ADGRG5: variants seen among roughly 807,000 people sequenced by gnomAD.
ADGRG5 encodes G protein-coupled receptor 114.
Under a neutral mutation model 53.2 loss-of-function variants are expected in ADGRG5, and 37 were observed. The observed-to-expected ratio is 0.70, with a 90% CI of 0.53 to 0.91. ADGRG5 has a LOEUF of 0.91. Among genes scored for constraint, ADGRG5 ranks in the 40% least tolerant of loss-of-function variants. The probability of loss-of-function intolerance (pLI) is 0.00; values close to 1 mark genes in which losing one functional copy is unlikely to be tolerated. For missense variants in ADGRG5, 614 were observed against 675.8 expected (o/e 0.91, Z 1.01); for synonymous variants, 277 against 290.4 (o/e 0.95, Z 0.47).
Position 57,575,055 on chromosome 16 carries a change from C to A in ADGRG5, c.1449C>A (p.Pro483=), listed in dbSNP as rs2033476511. The stretch of plus-strand genomic sequence containing the variant: ...TTTCTTTTGGCGTCTTCCTGCTGCC[C>A]CAGCTGTTCCTCTTCACCATCTTAA... The part of the protein sequence containing the change: ...AFFSFGVFLL[P]QLFLFTILNS... The change falls in exon 11 of 12, where the codon CCC becomes CCA. Residue 483 remains proline (P), a synonymous_variant. Transcript: ENST00000349457. The A allele has an allele frequency of 6.2e-7, 1 of 1,613,776 alleles. No homozygotes were observed.
At chr16:57,558,407 C>T (rs12928122) in intron 1 of ADGRG5, among the ~76,000 whole-genome samples, 53,800 of 152,122 alleles carry the variant, frequency 0.35, 9,806 homozygotes, top group East Asian at 0.49. Context: ...CCCCACTCCG[C>T]GCTCAGCATT....
At chr16:57,537,042 C>T in the ADGRG5 span, among the ~76,000 whole-genome samples, 1 of 152,182 alleles carries the variant, frequency 6.6e-6, no homozygotes, top group African/African-American at 2.4e-5. Flanking sequence ...GTTTCTCTTT[C>T]TGTACAACAG....
At position 57,567,481 on chromosome 16, in the gene ADGRG5, A is replaced by C. The variant is rs2033166300; in HGVS notation, c.711A>C (p.Pro237=). 5 of 1,609,258 alleles carry C rather than the reference A, an allele frequency of 3.1e-6. No homozygotes were observed. In the East Asian group the frequency reaches 1.1e-4, roughly 36 times the overall value. ...TYFAVLMQLS[P]ALVPAELLAP... is the part of the protein sequence containing the mutation. ...CTTCCCTCCTGCAGCAACTCTCCCC[A>C]GCCCTGGTCCCTGCAGAGTTGCTGG... Residue 237 remains proline (P), a synonymous_variant, in exon 8 of 12, where the codon CCA becomes CCC. Transcript: ENST00000349457.
upstream of ADGRG5, among the ~76,000 whole-genome samples, chr16:57,538,429 C>T (rs1195633161): frequency 6.6e-5 from 10 of 152,150 alleles, no homozygotes; most frequent in Non-Finnish European, 1.5e-4. Flanking sequence ...CATAGGGACA[C>T]TCTGTCTCTA....
intron 1 of ADGRG5, among the ~76,000 whole-genome samples, chr16:57,551,998 G>A (rs1370647221): frequency 6.6e-6 from 1 of 151,634 alleles, no homozygotes; most frequent in Non-Finnish European, 1.5e-5. Flanking sequence ...TAGGTACATT[G>A]TCGATGAGCA....
chr16:57,557,708 A>G (rs1397899223), intron 1 of ADGRG5, among the ~76,000 whole-genome samples: 3 of 152,214 alleles, frequency 2.0e-5, no homozygotes, highest in South Asian at 2.1e-4. Flanking sequence ...ATATTACACT[A>G]TCATCAAGTT....
At chr16:57,558,763 C>A (rs1339613990) in intron 1 of ADGRG5, among the ~76,000 whole-genome samples, 1 of 151,906 alleles carries the variant, frequency 6.6e-6, no homozygotes, top group Non-Finnish European at 1.5e-5. Flanking sequence ...GTAGTAGCAG[C>A]AGCCCTCTGT....
At chr16:57,563,594 G>C (rs1342517744) in intron 4 of ADGRG5, among the ~76,000 whole-genome samples, 3 of 152,226 alleles carry the variant, frequency 2.0e-5, no homozygotes, top group Admixed American at 1.3e-4. Flanking sequence ...GCTGGGGCTG[G>C]TGCTGGGGCT....
At chr16:57,550,048 C>T (rs565331709) in intron 1 of ADGRG5, among the ~76,000 whole-genome samples, 1 of 152,246 alleles carries the variant, frequency 6.6e-6, no homozygotes, top group African/African-American at 2.4e-5. Context: ...ATGATCTCAG[C>T]TCACTGCAGC....
chr16:57,537,193 C>T, the ADGRG5 span, among the ~76,000 whole-genome samples: 3 of 152,054 alleles, frequency 2.0e-5, no homozygotes, highest in East Asian at 1.9e-4. Context: ...CCTTCGGGGA[C>T]GCCCAGCTGT....
the ADGRG5 span, among the ~76,000 whole-genome samples, chr16:57,534,165 CCCACCT>C: frequency 6.6e-6 from 1 of 152,224 alleles, no homozygotes; most frequent in Non-Finnish European, 1.5e-5. Flanking sequence ...CAACCCCACC[CCCACCT>C]GGGGACCACA....
intron 10 of ADGRG5, among the ~76,000 whole-genome samples, chr16:57,571,923 C>A (rs1380362830): frequency 6.6e-6 from 1 of 151,838 alleles, no homozygotes; most frequent in Non-Finnish European, 1.5e-5. Context: ...GGATTACAGG[C>A]GTGAACACTA....
intron 1 of ADGRG5, 86 bp from the exon 2 acceptor site, chr16:57,561,970 C>T (rs2033012205): frequency 3.1e-6 from 2 of 635,774 alleles, no homozygotes; most frequent in African/African-American, 1.8e-5. Context: ...TAAGATGCTG[C>T]ATGTCCTACT....
At chr16:57,539,262 A>C (rs540543027), upstream of ADGRG5, among the ~76,000 whole-genome samples, 5 of 152,304 alleles carry the variant, frequency 3.3e-5, no homozygotes, top group East Asian at 9.6e-4. Context: ...AAGATGAGGC[A>C]CTTAGAGTGG....
rs374019815 is a variant in ADGRG5, at chr16:57,574,225, G to A, written c.1209-590G>A. Among the ~76,000 whole-genome samples the A allele has an allele frequency of 1.1e-3, 163 of 152,352 alleles. No homozygotes were observed. Among genetic ancestry groups the A allele is most frequent in the African/African-American group, 3.8e-3 (156 of 41,588 alleles). On this transcript the variant is annotated intron_variant, in intron 10 of 11. Transcript: ENST00000349457. The surrounding 1 kb of genome is among the most constrained non-coding windows in gnomAD (Gnocchi z 4.4). ...TCCATGGCTCTCTGCTCAGCCCTCA[G>A]TGGGCTCTCCTGCGGCTCTGTGTGC...
In ADGRG5 at chr16:57,570,930, C is replaced by G. The variant is rs563387657; in HGVS notation, c.1208+395C>G. 1.8e-3 allele frequency among the ~76,000 whole-genome samples: 267 copies of G among 152,234 alleles called. 1 individual carries two copies. Among genetic ancestry groups the G allele is most frequent in the African/African-American group, 6.0e-3 (249 of 41,534 alleles). ...CAGGCTCCAACTCCTCCCGACCTGC[C>G]CTGGGCACTGCCAGGCCTCTCAAGT... is the stretch of plus-strand genomic sequence containing the variant. On this transcript the variant is annotated intron_variant, in intron 10 of 11. Transcript: ENST00000349457.
chr16:57,562,946 A>G, intron 3 of ADGRG5, 145 bp from the exon 4 acceptor site: 1 of 717,474 alleles, frequency 1.4e-6, no homozygotes. Flanking sequence ...CAGTGTGCCA[A>G]GGACACTGTG....
intron 1 of ADGRG5, among the ~76,000 whole-genome samples, chr16:57,559,701 A>G (rs575828537): frequency 6.6e-6 from 1 of 152,070 alleles, no homozygotes; most frequent in South Asian, 2.1e-4. Context: ...ACCTCCAGAA[A>G]CCAGTTTGCT....
chr16:57,541,897 TC>T (rs758617860), upstream of ADGRG5, among the ~76,000 whole-genome samples: 67 of 152,200 alleles, frequency 4.4e-4, no homozygotes, highest in Non-Finnish European at 8.5e-4. Flanking sequence ...CTTTCCAGCC[TC>T]ATGTTTTCTG....
Sources: allele counts gnomAD v4.1 joint callset (sites outside exome capture counted in the v4.1 genomes callset), GRCh38; gene constraint gnomAD v4.1.1; non-coding constraint Gnocchi (gnomAD v3.1); transcripts MANE v1.5; gene names NCBI Gene and HGNC (gene_info 2026-07-23, HGNC 2026-07-21).